The following FHIT variants were observed in gnomAD, a reference collection of about 807,000 sequenced individuals.
The protein encoded by FHIT is bis(5'-adenosyl)-triphosphatase.
FHIT carries 19 observed loss-of-function variants against 17.9 expected under a neutral mutation model. That is an observed-to-expected ratio of 1.06 (90% CI 0.74 to 1.56). The LOEUF (loss-of-function observed/expected upper bound fraction) is 1.56, where lower values mean the gene tolerates loss of function less well. Among genes scored for constraint, FHIT ranks in the 40% most tolerant of loss-of-function variants. FHIT has a pLI of 0.00. For missense variants in FHIT, 248 were observed against 189.2 expected (o/e 1.31, Z -1.82); for synonymous variants, 81 against 69.7 (o/e 1.16, Z -0.81).
At chr3:59,852,314 A>G (rs1007994076) in intron 8 of FHIT, among the ~76,000 whole-genome samples, 1 of 152,192 alleles carries the variant, frequency 6.6e-6, no homozygotes, top group Non-Finnish European at 1.5e-5. Context: ...CACACATACT[A>G]TATACCAAGA....
At chr3:60,505,343 T>C (rs1172357089) in intron 5 of FHIT, among the ~76,000 whole-genome samples, 1 of 152,182 alleles carries the variant, frequency 6.6e-6, no homozygotes, top group African/African-American at 2.4e-5. Flanking sequence ...CTTACTTCCA[T>C]ACCCCTAGGC....
At chr3:60,557,014 G>T (rs1339113307) in intron 4 of FHIT, among the ~76,000 whole-genome samples, 1 of 152,178 alleles carries the variant, frequency 6.6e-6, no homozygotes, top group Non-Finnish European at 1.5e-5. Flanking sequence ...TAGAAAACTT[G>T]TGCAGTAACA....
intron 3 of FHIT, among the ~76,000 whole-genome samples, chr3:60,963,795 A>G (rs1430156526): frequency 6.6e-6 from 1 of 152,116 alleles, no homozygotes; most frequent in African/African-American, 2.4e-5. Context: ...GGTCTGAGAG[A>G]CAGTTTATTA....
chr3:61,209,804 T>C (rs115459454), intron 1 of FHIT, among the ~76,000 whole-genome samples: 1,833 of 152,354 alleles, frequency 0.012, 28 homozygotes, highest in South Asian at 0.034. Flanking sequence ...AGCCTTCTAC[T>C]CTTGACTCAT....
intron 3 of FHIT, among the ~76,000 whole-genome samples, chr3:60,960,163 C>G (rs1415144747): frequency 6.6e-6 from 1 of 152,150 alleles, no homozygotes; most frequent in Admixed American, 6.5e-5. Context: ...CAAGCTTTCC[C>G]TCTTCCCTTC....
At chr3:60,931,630 A>G (rs1707961112) in intron 3 of FHIT, among the ~76,000 whole-genome samples, 1 of 152,168 alleles carries the variant, frequency 6.6e-6, no homozygotes, top group Admixed American at 6.5e-5. Flanking sequence ...TAGTCAAACT[A>G]CACTCCCCAG....
intron 1 of FHIT, among the ~76,000 whole-genome samples, chr3:61,205,735 T>G (rs1023022514): frequency 2.0e-5 from 3 of 152,142 alleles, no homozygotes; most frequent in Admixed American, 2.0e-4. Context: ...GTCAGATGAG[T>G]AGATTGCAAA....
intron 5 of FHIT, among the ~76,000 whole-genome samples, chr3:60,171,779 C>T (rs1288293581): frequency 2.6e-5 from 4 of 152,114 alleles, no homozygotes; most frequent in Non-Finnish European, 5.9e-5. Context: ...CATTACAGTT[C>T]ACTGTAGCCT....
intron 7 of FHIT, among the ~76,000 whole-genome samples, chr3:59,997,613 G>A (rs1469080114): frequency 6.6e-6 from 1 of 152,118 alleles, no homozygotes; most frequent in Non-Finnish European, 1.5e-5. Flanking sequence ...GTCAGTATGT[G>A]AACCTTAAAA....
chr3:60,468,990 T>C (rs2032943620), intron 5 of FHIT, among the ~76,000 whole-genome samples: 1 of 152,282 alleles, frequency 6.6e-6, no homozygotes, highest in Admixed American at 6.5e-5. Flanking sequence ...AAATATGTAA[T>C]ATCACTCTCT....
chr3:60,027,388 A>G (rs1206065188), intron 5 of FHIT, among the ~76,000 whole-genome samples: 3 of 152,178 alleles, frequency 2.0e-5, no homozygotes, highest in African/African-American at 7.2e-5. Context: ...ATATGCTTAG[A>G]TATTAAAAAC....
At chr3:61,117,126 G>T (rs1439115650) in intron 2 of FHIT, among the ~76,000 whole-genome samples, 2 of 152,092 alleles carry the variant, frequency 1.3e-5, no homozygotes, top group Non-Finnish European at 2.9e-5. Context: ...TTTAGTTAAG[G>T]ATTCTGTTGT....
In FHIT at chr3:60,429,197, A is replaced by G. The variant is rs741753; in HGVS notation, c.103+107663T>C. On this transcript the variant is annotated intron_variant, in intron 5 of 9. Transcript: ENST00000492590. ...AAAATTTTGGTCTAGTTTATGAAAA[A>G]TAAACCAGGAGGCATCAGTTAAAAC... 5.9e-5 allele frequency among the ~76,000 whole-genome samples: 9 copies of G among 152,062 alleles called. No individual in the cohort carries two copies. The South Asian group carries it at 1.7e-3, about 28-fold the overall frequency.
intron 5 of FHIT, among the ~76,000 whole-genome samples, chr3:60,040,663 C>G (rs1244438898): frequency 6.6e-6 from 1 of 152,124 alleles, no homozygotes; most frequent in Non-Finnish European, 1.5e-5. Flanking sequence ...GAGGCTAAGC[C>G]TGTATCATAA....
chr3:61,087,776 A>C (rs1040741142), intron 2 of FHIT, among the ~76,000 whole-genome samples: 1 of 152,170 alleles, frequency 6.6e-6, no homozygotes, highest in African/African-American at 2.4e-5. Flanking sequence ...TTGCATTGGT[A>C]GATTTGGTAG....
chr3:60,442,098 G>A (rs189484925), intron 5 of FHIT, among the ~76,000 whole-genome samples: 261 of 151,620 alleles, frequency 1.7e-3, no homozygotes, highest in Non-Finnish European at 3.2e-3. Context: ...GGGCTCAAGC[G>A]ATCCTCCTGC....
rs573474949 is a variant in FHIT, at chr3:59,804,348, T to C, written c.349-52027A>G. On this transcript the variant is annotated intron_variant, in intron 8 of 9. Transcript: ENST00000492590. ...CAAGGTCAATAGCTGTCTGTCTCTT[T>C]ATCCCATAAGGCTAGGTTTTCCCTT... is the stretch of plus-strand genomic sequence containing the variant. Among the ~76,000 whole-genome samples the C allele has an allele frequency of 2.0e-5, 3 of 152,354 alleles. No homozygotes were observed. In the East Asian group the frequency reaches 5.8e-4, roughly 29 times the overall value.
intron 4 of FHIT, among the ~76,000 whole-genome samples, chr3:60,547,967 T>C (rs2036422886): frequency 1.3e-5 from 2 of 152,138 alleles, no homozygotes; most frequent in African/African-American, 4.8e-5. Flanking sequence ...TGCTTTCAAA[T>C]GTTATGTTAA....
chr3:60,697,926 G>T (rs2041151463), intron 4 of FHIT, among the ~76,000 whole-genome samples: 1 of 152,092 alleles, frequency 6.6e-6, no homozygotes, highest in Non-Finnish European at 1.5e-5. Flanking sequence ...TCGTTTTTAT[G>T]TGCATTTGTT....
Sources: allele counts gnomAD v4.1 joint callset (sites outside exome capture counted in the v4.1 genomes callset), GRCh38; gene constraint gnomAD v4.1.1; transcripts MANE v1.5; gene names NCBI Gene and HGNC (gene_info 2026-07-23, HGNC 2026-07-21).